The following DLG4 variants were observed in gnomAD, a reference collection of about 807,000 sequenced individuals.
DLG4 encodes the protein discs large MAGUK scaffold protein 4.
DLG4 carries 7 observed loss-of-function variants against 93.8 expected under a neutral mutation model. The observed-to-expected ratio is 0.07, with a 90% CI of 0.04 to 0.14. DLG4 has a LOEUF of 0.14. Ranked by LOEUF, DLG4 falls within the 10% of genes least tolerant of loss-of-function variation. DLG4 has a pLI of 1.00. For synonymous variants in DLG4, 341 were observed against 387.6 expected (o/e 0.88, Z 1.41); for missense variants, 545 against 992.9 (o/e 0.55, Z 6.06).
chr17:7,193,113 C>T lies in DLG4; in HGVS notation c.1698G>A (p.Thr566=), dbSNP rs62061431. The T allele has an allele frequency of 6.2e-6, 10 of 1,613,628 alleles. No homozygotes were observed. The highest frequency in any genetic ancestry group is 1.7e-4 in the Middle Eastern group (1 of 6,058). Residue 566 remains threonine, a synonymous_variant, in exon 17 of 20, where the codon ACG becomes ACA. Coordinates refer to ENST00000399506, the MANE Select transcript of DLG4 (RefSeq NM_001321075.3). The surrounding 1 kb of genome is among the most constrained non-coding windows in gnomAD (Gnocchi z 6.7). The stretch of plus-strand genomic sequence containing the variant: ...TCTCATACTCCCGCTTGGGCCGTGT[C>T]GTATCTGCCAGGAAGTCACCCCACC... The part of the protein sequence containing the change: ...PDKFGSCVPH[T]TRPKREYEID...
chr17:7,194,186 C>T lies in DLG4; in HGVS notation c.1478+133G>A, dbSNP rs1567528429. On this transcript the variant is annotated intron_variant, in intron 12 of 19. Transcript: ENST00000399506. The surrounding 1 kb of genome is among the most constrained non-coding windows in gnomAD (Gnocchi z 4.4). ...CCCAAAGGCTCATGGGAGCCACGGA[C>T]CCCAGGAGGGCCCAACAGACAAACC... The T allele has an allele frequency of 7.4e-7, 1 of 1,358,836 alleles. No individual in the cohort carries two copies. Among genetic ancestry groups the T allele is most frequent in the East Asian group, 2.5e-5 (1 of 39,918 alleles). 84.2% of individuals were successfully genotyped at this position (1,358,836 alleles called of 1,614,324 possible).
At position 7,191,495 on chromosome 17, in the gene DLG4, T is replaced by C; in HGVS notation, c.1977-137A>G. The C allele has an allele frequency of 2.6e-6, 2 of 755,448 alleles. No homozygotes were observed. Among genetic ancestry groups the C allele is most frequent in the East Asian group, 5.4e-5 (2 of 37,210 alleles). 46.8% of individuals were successfully genotyped at this position (755,448 alleles called of 1,614,324 possible). ...AAAAAATACAATTCCCAATATCCTC[T>C]GGGGCCACAGATGAGAACCACCCCC... On this transcript the variant is annotated intron_variant, in intron 18 of 19. Transcript: ENST00000399506. The surrounding 1 kb of genome is among the most constrained non-coding windows in gnomAD (Gnocchi z 6.6).
chr17:7,187,316 G>C lies in DLG4; in HGVS notation c.*3392C>G, dbSNP rs532738883. ...GCACTTTGGGAGGCCGAGGGGGGGG[G>C]GGGTGGATCACCCGAGGTCAGGAGT... On this transcript the variant is annotated 3_prime_UTR_variant, in exon 20 of 20. Coordinates refer to ENST00000399506, the MANE Select transcript of DLG4 (RefSeq NM_001321075.3). Among the ~76,000 whole-genome samples, 128 of 121,798 alleles carry C rather than the reference G, an allele frequency of 1.1e-3. 13 individuals carry two copies. Among genetic ancestry groups the C allele is most frequent in the African/African-American group, 3.0e-3 (113 of 38,254 alleles). 79.9% of individuals were successfully genotyped at this position (121,798 alleles called of 152,430 possible).
chr17:7,218,530 G>A (rs759197027), upstream of DLG4: 15 of 1,555,212 alleles, frequency 9.6e-6, no homozygotes, highest in African/African-American at 4.1e-5. Context: ...CTCAGAAAAC[G>A]GGCTACTCAC....
chr17:7,219,882 C>T, upstream of DLG4: 2 of 1,542,272 alleles, frequency 1.3e-6, no homozygotes, highest in Admixed American at 2.0e-5. Context: ...CCGCCCGGTG[C>T]ACTGTGGACG....
rs2069615780 is a variant in DLG4 at position 7,193,617 on chromosome 17, G to T, written c.1592-33C>A. The T allele has an allele frequency of 3.9e-6, 6 of 1,528,590 alleles. No homozygotes were observed. Among genetic ancestry groups the T allele is most frequent in the African/African-American group, 1.4e-5 (1 of 71,954 alleles). The allele number at this position is 1,528,590 out of a possible 1,614,324, so 94.7% of individuals were successfully genotyped here. A position where few individuals can be genotyped will look rare whatever the true frequency, so the allele number is the denominator to read the frequency against. On this transcript the variant is annotated intron_variant, in intron 15 of 19. Transcript: ENST00000399506. This position sits in a 1 kb window ranked among gnomAD's most constrained non-coding sequence, Gnocchi z 6.7. ...GAGAGCCTGGCTTAGGCCGAGCGCAGGGTTGGGGGAGCAGCAAGTGCTGGG... is the reference window on the plus strand; with the variant it reads ...GAGAGCCTGGCTTAGGCCGAGCGCATGGTTGGGGGAGCAGCAAGTGCTGGG...
rs199764537 is a variant in DLG4, at chr17:7,201,573, C to G, written c.787+1330G>C. Among the ~76,000 whole-genome samples the G allele has an allele frequency of 6.6e-5, 10 of 152,256 alleles. No individual in the cohort carries two copies. The East Asian group carries it at 1.9e-3, about 29-fold the overall frequency. ...GAATAATAGCAGTGGGAAGAGGCAT[C>G]CCTGCCCTCTTTGTAAGTTAACGGA... On this transcript the variant is annotated intron_variant, in intron 8 of 19. Transcript: ENST00000399506.
chr17:7,219,687 C>A, upstream of DLG4: 1 of 1,358,580 alleles, frequency 7.4e-7, no homozygotes, highest in Non-Finnish European at 9.5e-7. Flanking sequence ...ACTTAAGCCC[C>A]TTCCTCTTCT....
Position 7,191,314 on chromosome 17 carries a change from A to G in DLG4, c.2021T>C (p.Phe674Ser). 1 of 1,613,854 alleles carries G rather than the reference A, an allele frequency of 6.2e-7. No homozygotes were observed. The highest frequency in any genetic ancestry group is 8.5e-7 in the Non-Finnish European group (1 of 1,179,824). The part of the protein sequence containing the change: ...RITEEQARKA[F>S]DRATKLEQEF... ...CTGCTCCAGCTTGGTGGCTCTGTCG[A>G]AGGCTTTGCGGGCTTGCTCCTCTGT... Residue 674 changes from phenylalanine to serine, a missense_variant, in exon 19 of 20, where the codon TTC becomes TCC. By Grantham distance (155) the Phe-to-Ser change is radical. Coordinates refer to ENST00000399506, the MANE Select transcript of DLG4 (RefSeq NM_001321075.3). The surrounding 1 kb of genome is among the most constrained non-coding windows in gnomAD (Gnocchi z 6.6).
chr17:7,212,415 C>G (rs1020955308), intron 1 of DLG4, among the ~76,000 whole-genome samples: 1 of 152,190 alleles, frequency 6.6e-6, no homozygotes. Flanking sequence ...AATCCACTAA[C>G]AGGGATGTTG....
At chr17:7,218,936 G>A, upstream of DLG4, 2 of 1,464,670 alleles carry the variant, frequency 1.4e-6, no homozygotes, top group Non-Finnish European at 1.9e-6. Context: ...TGTGAGTAAA[G>A]TAGGCCGTCT....
chr17:7,208,857 A>C lies in DLG4; in HGVS notation c.31-618T>G, dbSNP rs967642700. 2.6e-5 allele frequency among the ~76,000 whole-genome samples: 4 copies of C among 151,980 alleles called. No individual in the cohort carries two copies. The highest frequency in any genetic ancestry group is 9.7e-5 in the African/African-American group (4 of 41,334). ...GACTGAAGTCACCCCTTCCACCAGAAGGTACTTGGTATCAGCCCCCGAGAC... is the reference window on the plus strand; with the variant it reads ...GACTGAAGTCACCCCTTCCACCAGACGGTACTTGGTATCAGCCCCCGAGAC... On this transcript the variant is annotated intron_variant, in intron 1 of 19. Coordinates refer to ENST00000399506, the MANE Select transcript of DLG4 (RefSeq NM_001321075.3). The surrounding 1 kb of genome is among the most constrained non-coding windows in gnomAD (Gnocchi z 5.4).
At chr17:7,206,850 C>T (rs1027702252) in intron 2 of DLG4, among the ~76,000 whole-genome samples, 13 of 152,156 alleles carry the variant, frequency 8.5e-5, no homozygotes, top group African/African-American at 3.1e-4. Context: ...ATGTCAGCAA[C>T]CTCCCCCTTC....
In DLG4 at chr17:7,187,989, G is replaced by C. The variant is rs562329845; in HGVS notation, c.*2719C>G. On this transcript the variant is annotated 3_prime_UTR_variant, in exon 20 of 20. Transcript: ENST00000399506. ...GGAAGCTGAGGCAGGAGAATCACTT[G>C]AACCCTGGAGTTGGAGGTTGCAGTG... 1.1e-3 allele frequency among the ~76,000 whole-genome samples: 168 copies of C among 151,288 alleles called. 1 individual carries two copies. Among genetic ancestry groups the C allele is most frequent in the African/African-American group, 3.9e-3 (159 of 41,180 alleles).
rs537435815 is a variant in DLG4, at chr17:7,188,225, C to G, written c.*2483G>C. Among the ~76,000 whole-genome samples the G allele has an allele frequency of 2.0e-5, 3 of 152,274 alleles. No homozygotes were observed. The South Asian group carries it at 6.2e-4, about 32-fold the overall frequency. On this transcript the variant is annotated 3_prime_UTR_variant, in exon 20 of 20. Transcript: ENST00000399506. ...GCATAGAAAATCCTGCAGGGCAATA[C>G]GTGGCTACTGGTTGAAGTGACACCC...
rs1273481113 is a variant in DLG4, at chr17:7,212,355, C to T, written c.31-4116G>A. Among the ~76,000 whole-genome samples the T allele has an allele frequency of 2.6e-5, 4 of 152,180 alleles. 1 individual carries two copies. The highest frequency in any genetic ancestry group is 1.3e-4 in the Admixed American group (2 of 15,284). On this transcript the variant is annotated intron_variant, in intron 1 of 19. Transcript: ENST00000399506. ...GGAACCACAGAGCCTTGTTGGCCCC[C>T]CAAATTAATATATGCTAAATCATCC...
At chr17:7,219,808 G>A (rs1224564554), upstream of DLG4, 3 of 1,527,084 alleles carry the variant, frequency 2.0e-6, no homozygotes, top group Non-Finnish European at 2.6e-6. Context: ...TAAGTCAGCG[G>A]AACGCAGGGC....
intron 1 of DLG4, among the ~76,000 whole-genome samples, chr17:7,216,336 G>C (rs1037572271): frequency 6.6e-6 from 1 of 151,686 alleles, no homozygotes; most frequent in African/African-American, 2.4e-5. Flanking sequence ...CCACCCACCC[G>C]GTCCCCCTCC....
At chr17:7,207,509 A>G (rs958433863) in intron 2 of DLG4, among the ~76,000 whole-genome samples, 2 of 151,812 alleles carry the variant, frequency 1.3e-5, no homozygotes, top group African/African-American at 4.8e-5. Flanking sequence ...GGACAGGGCG[A>G]GCCAGGCCCA....
Sources: gnomAD v4.1 joint callset for allele counts (sites outside exome capture counted in the v4.1 genomes callset) on GRCh38, gnomAD v4.1.1 for gene constraint, Gnocchi (gnomAD v3.1) non-coding constraint, MANE v1.5 for transcripts, NCBI Gene and HGNC (gene_info 2026-07-23, HGNC 2026-07-21) for gene names.